The following XYLT1 variants were observed in gnomAD, a reference collection of about 807,000 sequenced individuals.
XYLT1 encodes the protein xylosyltransferase 1.
XYLT1 carries 36 observed loss-of-function variants against 91.3 expected under a neutral mutation model. The ratio of observed to expected loss-of-function variants is 0.39; its 90% CI spans 0.30 to 0.52. The LOEUF (loss-of-function observed/expected upper bound fraction) is 0.52. XYLT1 is among the 20% of genes least tolerant of loss of function. XYLT1 has a pLI of 0.68. For missense variants in XYLT1, 1,242 were observed against 1,284.5 expected, an observed-to-expected ratio of 0.97 and a Z score of 0.51; for synonymous variants, 588 against 532.0, an observed-to-expected ratio of 1.11 and a Z score of -1.45.
At position 17,160,731 on chromosome 16, in the gene XYLT1, C is replaced by A. The variant is rs114321388; in HGVS notation, c.1290-1822G>T. On this transcript the variant is annotated intron_variant, in intron 5 of 11. Coordinates refer to ENST00000261381, the MANE Select transcript of XYLT1 (RefSeq NM_022166.4). ...ATGGTGCATCTCCCGCGTGGTTAAACCCCATCGTGCATGCCAAGGTAAAGT... is the reference window on the plus strand; with the variant it reads ...ATGGTGCATCTCCCGCGTGGTTAAAACCCATCGTGCATGCCAAGGTAAAGT... 3.7e-3 allele frequency among the ~76,000 whole-genome samples: 563 copies of A among 152,276 alleles called. 5 individuals carry two copies. The highest frequency in any genetic ancestry group is 0.013 in the African/African-American group (542 of 41,558).
At chr16:17,374,797 G>A (rs4453462) in intron 1 of XYLT1, among the ~76,000 whole-genome samples, 5 of 152,226 alleles carry the variant, frequency 3.3e-5, no homozygotes, top group African/African-American at 9.6e-5. Flanking sequence ...GTATTTGTAG[G>A]CTGAAACAAA....
chr16:17,136,657 G>A (rs553235937), intron 8 of XYLT1, among the ~76,000 whole-genome samples: 105 of 151,782 alleles, frequency 6.9e-4, no homozygotes, highest in African/African-American at 2.4e-3. Flanking sequence ...CTGCGATTCC[G>A]ACCATAGCTG....
At chr16:17,252,769 C>T (rs1044884355) in intron 3 of XYLT1, among the ~76,000 whole-genome samples, 2 of 152,060 alleles carry the variant, frequency 1.3e-5, no homozygotes, top group Admixed American at 6.6e-5. Flanking sequence ...GGGCGCTGTA[C>T]CAAAGTCAAC....
At chr16:17,150,371 C>A (rs1389753196) in intron 6 of XYLT1, among the ~76,000 whole-genome samples, 1 of 152,146 alleles carries the variant, frequency 6.6e-6, no homozygotes, top group Non-Finnish European at 1.5e-5. Flanking sequence ...CTAGAGAGCA[C>A]CTTCGATATT....
chr16:17,406,791 G>A (rs1054219197), intron 1 of XYLT1, among the ~76,000 whole-genome samples: 1 of 152,046 alleles, frequency 6.6e-6, no homozygotes, highest in African/African-American at 2.4e-5. Flanking sequence ...AAAAACAAAA[G>A]AAGAAATGGC....
At chr16:17,236,377 G>A (rs1413008916) in intron 3 of XYLT1, among the ~76,000 whole-genome samples, 2 of 150,880 alleles carry the variant, frequency 1.3e-5, no homozygotes, top group African/African-American at 4.9e-5. Flanking sequence ...AAGACACATG[G>A]ACTTTTTGTT....
At chr16:17,132,673 C>A (rs147274405) in intron 9 of XYLT1, among the ~76,000 whole-genome samples, 1 of 152,140 alleles carries the variant, frequency 6.6e-6, no homozygotes, top group Non-Finnish European at 1.5e-5. Flanking sequence ...GAGGCTGAAG[C>A]GGGAGGATTG....
intron 1 of XYLT1, among the ~76,000 whole-genome samples, chr16:17,453,046 G>A (rs2036687809): frequency 6.6e-6 from 1 of 152,180 alleles, no homozygotes; most frequent in Non-Finnish European, 1.5e-5. Context: ...TTCCACTCTG[G>A]AATCATAACC....
intron 9 of XYLT1, among the ~76,000 whole-genome samples, chr16:17,131,455 T>G (rs1320687847): frequency 6.6e-6 from 1 of 152,182 alleles, no homozygotes; most frequent in African/African-American, 2.4e-5. Context: ...CCATCTGCAT[T>G]CCCACGGAAT....
chr16:17,172,976 G>T, intron 5 of XYLT1, among the ~76,000 whole-genome samples: 1 of 151,940 alleles, frequency 6.6e-6, no homozygotes, highest in East Asian at 1.9e-4. Flanking sequence ...ATTTACTCAG[G>T]GGCAATACCT....
At chr16:17,247,682 C>G (rs189113971) in intron 3 of XYLT1, among the ~76,000 whole-genome samples, 1 of 152,108 alleles carries the variant, frequency 6.6e-6, no homozygotes, top group Non-Finnish European at 1.5e-5. Context: ...GCAGAGGGGC[C>G]GCAAGTCTTT....
chr16:17,297,406 C>A (rs146846968), intron 2 of XYLT1, among the ~76,000 whole-genome samples: 3 of 151,946 alleles, frequency 2.0e-5, no homozygotes, highest in Non-Finnish European at 4.4e-5. Flanking sequence ...CCCCCACCGA[C>A]GGTGTCTCTA....
chr16:17,417,988 T>G (rs2036201637), intron 1 of XYLT1, among the ~76,000 whole-genome samples: 1 of 152,164 alleles, frequency 6.6e-6, no homozygotes, highest in African/African-American at 2.4e-5. Flanking sequence ...GCCAGGCACG[T>G]GCATGAGACA....
At chr16:17,243,173 C>G (rs2033373905) in intron 3 of XYLT1, among the ~76,000 whole-genome samples, 1 of 152,236 alleles carries the variant, frequency 6.6e-6, no homozygotes, top group African/African-American at 2.4e-5. Context: ...GAGACAGCCT[C>G]TGCTTTAATA....
At chr16:17,286,367 A>G (rs1253742825) in intron 2 of XYLT1, among the ~76,000 whole-genome samples, 1 of 152,192 alleles carries the variant, frequency 6.6e-6, no homozygotes, top group African/African-American at 2.4e-5. Context: ...AGAGAAATTA[A>G]TACATCCAAG....
intron 1 of XYLT1, among the ~76,000 whole-genome samples, chr16:17,399,755 G>A (rs2035940130): frequency 2.0e-5 from 3 of 152,078 alleles, no homozygotes; most frequent in African/African-American, 4.8e-5. Context: ...AATCACTTCT[G>A]CACCCCTGTC....
intron 2 of XYLT1, among the ~76,000 whole-genome samples, chr16:17,292,379 CA>C (rs907590071): frequency 2.0e-5 from 3 of 151,824 alleles, no homozygotes; most frequent in Non-Finnish European, 4.4e-5. Context: ...CCTCACTTCA[CA>C]AAAAAAACTC....
chr16:17,112,334 C>T (rs2141478662), intron 11 of XYLT1, among the ~76,000 whole-genome samples: 1 of 151,786 alleles, frequency 6.6e-6, no homozygotes, highest in South Asian at 2.1e-4. Context: ...TTCATTGGAA[C>T]ATCGCTAACA....
chr16:17,114,646 G>C (rs1474597994), intron 11 of XYLT1, among the ~76,000 whole-genome samples: 1 of 152,100 alleles, frequency 6.6e-6, no homozygotes, highest in Non-Finnish European at 1.5e-5. Flanking sequence ...CCATCCCCTT[G>C]CATCATTGGC....
Sources: gnomAD v4.1 joint callset for allele counts (sites outside exome capture counted in the v4.1 genomes callset) on GRCh38, gnomAD v4.1.1 for gene constraint, MANE v1.5 for transcripts, NCBI Gene and HGNC (gene_info 2026-07-23, HGNC 2026-07-21) for gene names.